The following ATP2B2 variants were observed in gnomAD, a reference collection of about 807,000 sequenced individuals.
The protein encoded by ATP2B2 is ATPase plasma membrane Ca2+ transporting 2.
In ATP2B2, 15 loss-of-function variants were observed where a neutral mutation model predicts 120.0. The ratio of observed to expected loss-of-function variants is 0.12; its 90% confidence interval spans 0.08 to 0.19. The LOEUF is 0.19. Among genes scored for constraint, ATP2B2 ranks in the 10% least tolerant of loss-of-function variants. The pLI, the probability that ATP2B2 is intolerant of heterozygous loss-of-function variation, is 1.00. For missense variants in ATP2B2, 1,045 were observed against 1,719.8 expected (o/e 0.61, Z 6.94); for synonymous variants, 694 against 700.3 (o/e 0.99, Z 0.14).
At chr3:10,420,905 T>G (rs578157943) in intron 2 of ATP2B2, among the ~76,000 whole-genome samples, 1 of 152,230 alleles carries the variant, frequency 6.6e-6, no homozygotes, top group Admixed American at 6.5e-5. Flanking sequence ...TCTAGTTGAA[T>G]TGGGCTGGGG....
At chr3:10,695,356 C>T (rs1266467960) in intron 1 of ATP2B2, among the ~76,000 whole-genome samples, 2 of 151,848 alleles carry the variant, frequency 1.3e-5, no homozygotes, top group South Asian at 2.1e-4. Flanking sequence ...ATCATGAGAA[C>T]AGCACATGAA....
intron 2 of ATP2B2, among the ~76,000 whole-genome samples, chr3:10,442,385 T>C (rs925413611): frequency 2.6e-5 from 4 of 152,232 alleles, no homozygotes; most frequent in Admixed American, 2.6e-4. Flanking sequence ...GATCTTTATC[T>C]ATCTGTCCCG....
rs950757617 is a variant in ATP2B2 at position 10,578,473 on chromosome 3, G to A, written c.-415+41444C>T. Among the ~76,000 whole-genome samples the A allele has an allele frequency of 5.3e-5, 8 of 151,946 alleles. No homozygotes were observed. The East Asian group carries it at 5.8e-4, about 11-fold the overall frequency. On this transcript the variant is annotated intron_variant, in intron 2 of 21. Transcript: ENST00000646379. ...GAGGCAGGAGAATTGCTTGAACCCA[G>A]GAGGTGGAGGTTGCAGTTAGCCGAG... is the stretch of plus-strand genomic sequence containing the variant.
chr3:10,444,642 C>T (rs1308204253), intron 2 of ATP2B2, among the ~76,000 whole-genome samples: 2 of 152,208 alleles, frequency 1.3e-5, no homozygotes, highest in African/African-American at 4.8e-5. Context: ...AAACATGCTA[C>T]GTGGCAAACA....
intron 1 of ATP2B2, among the ~76,000 whole-genome samples, chr3:10,653,620 T>A (rs1381305043): frequency 1.3e-5 from 2 of 152,206 alleles, no homozygotes; most frequent in Non-Finnish European, 1.5e-5. Context: ...TTTCTTAGCC[T>A]CAATAACAGC....
chr3:10,443,814 G>C (rs771918871), intron 2 of ATP2B2, among the ~76,000 whole-genome samples: 32 of 152,338 alleles, frequency 2.1e-4, no homozygotes, highest in Admixed American at 3.9e-4. Context: ...ACTGGGCCTA[G>C]ATTCTTCTGT....
rs1381294391 is a variant in ATP2B2, at chr3:10,449,429, C to T, written c.115G>A (p.Gly39Ser). The T allele has an allele frequency of 1.9e-6, 3 of 1,614,244 alleles. No individual in the cohort carries two copies. The Admixed American group carries it at 5.0e-5, about 27-fold the overall frequency. ...TTGATCTTGACCACAGCCTCAGTGC[C>T]CCGCAGCTCCATGAGGGAGCGGAGC... ...EELRSLMELR[G>S]TEAVVKIKET... Residue 39 changes from glycine to serine, a missense_variant, in exon 2 of 23, where the codon GGC becomes AGC. Coordinates refer to ENST00000360273, the MANE Select transcript of ATP2B2 (RefSeq NM_001001331.4).
intron 5 of ATP2B2, among the ~76,000 whole-genome samples, chr3:10,397,985 CCTG>C (rs2062096752): frequency 6.6e-6 from 1 of 152,188 alleles, no homozygotes; most frequent in Admixed American, 6.5e-5. Context: ...ACTCCTTTGC[CCTG>C]CTGACTCCCA....
chr3:10,583,070 C>T (rs1449114689), intron 2 of ATP2B2, among the ~76,000 whole-genome samples: 1 of 152,232 alleles, frequency 6.6e-6, no homozygotes, highest in Non-Finnish European at 1.5e-5. Context: ...CCTGCATTTG[C>T]TTTCTTTCAG....
At chr3:10,653,453 G>A (rs2070521452) in intron 1 of ATP2B2, among the ~76,000 whole-genome samples, 2 of 152,164 alleles carry the variant, frequency 1.3e-5, no homozygotes, top group Non-Finnish European at 2.9e-5. Flanking sequence ...CTGAGTTGAG[G>A]GACCCACTTG....
chr3:10,663,735 G>A (rs969677135), intron 1 of ATP2B2, among the ~76,000 whole-genome samples: 6 of 152,140 alleles, frequency 3.9e-5, no homozygotes, highest in African/African-American at 1.4e-4. Flanking sequence ...TCCAAGCTGA[G>A]CCCACTGAGC....
chr3:10,634,184 C>G (rs1044260841), intron 1 of ATP2B2, among the ~76,000 whole-genome samples: 5 of 152,208 alleles, frequency 3.3e-5, no homozygotes, highest in Non-Finnish European at 7.3e-5. Context: ...CCTCCCACTA[C>G]CAGGTGCTTA....
chr3:10,329,179 C>T lies in ATP2B2; in HGVS notation c.3421-54G>A, dbSNP rs1389300983. 9.9e-6 allele frequency: 6 copies of T among 605,346 alleles called. No individual in the cohort carries two copies. Among genetic ancestry groups the T allele is most frequent in the East Asian group, 4.6e-5 (1 of 21,622 alleles). 37.5% of individuals were successfully genotyped at this position (605,346 alleles called of 1,614,324 possible). A position where few individuals can be genotyped will look rare whatever the true frequency, so the allele number is the denominator to read the frequency against. ...ACTGCCCAGGGACCACAGCCAGGCT[C>T]GGGGGGCTCACAGGAGGGGCGGGTG... On this transcript the variant is annotated intron_variant, in intron 22 of 22. Coordinates refer to ENST00000360273, the MANE Select transcript of ATP2B2 (RefSeq NM_001001331.4). This position sits in a 1 kb window ranked among gnomAD's most constrained non-coding sequence, Gnocchi z 5.9.
At chr3:10,573,982 C>T (rs2068187393) in intron 2 of ATP2B2, among the ~76,000 whole-genome samples, 1 of 152,080 alleles carries the variant, frequency 6.6e-6, no homozygotes, top group African/African-American at 2.4e-5. Flanking sequence ...TGCCTGTCTC[C>T]CCCCATTATA....
At chr3:10,442,661 G>A (rs2063708391) in intron 2 of ATP2B2, among the ~76,000 whole-genome samples, 1 of 152,060 alleles carries the variant, frequency 6.6e-6, no homozygotes. Flanking sequence ...ATCAAATATG[G>A]GGCTGACATT....
chr3:10,400,938 C>G lies in ATP2B2; in HGVS notation c.781+15G>C, dbSNP rs1391933003. The G allele has an allele frequency of 1.2e-6, 2 of 1,613,904 alleles. No individual in the cohort carries two copies. The highest frequency in any genetic ancestry group is 1.7e-6 in the Non-Finnish European group (2 of 1,179,852). ...ATGGCGACGGGAATGGGCCCAACAT[C>G]AGGCTGAAGCTCACCTGACAGCAGC... is the stretch of plus-strand genomic sequence containing the variant. On this transcript the variant is annotated intron_variant, in intron 5 of 22. Transcript: ENST00000360273.
intron 1 of ATP2B2, among the ~76,000 whole-genome samples, chr3:10,623,635 TGAA>T (rs2069612455): frequency 6.6e-6 from 1 of 152,212 alleles, no homozygotes; most frequent in African/African-American, 2.4e-5. Flanking sequence ...GCCTGCATCC[TGAA>T]GGTCTCTCTA....
At chr3:10,602,959 T>G (rs891762440) in intron 2 of ATP2B2, among the ~76,000 whole-genome samples, 1 of 152,196 alleles carries the variant, frequency 6.6e-6, no homozygotes, top group Non-Finnish European at 1.5e-5. Context: ...TTTCTTAACT[T>G]CTCAGCACCC....
At chr3:10,686,335 T>C (rs2071523168) in intron 1 of ATP2B2, among the ~76,000 whole-genome samples, 1 of 152,126 alleles carries the variant, frequency 6.6e-6, no homozygotes, top group African/African-American at 2.4e-5. Flanking sequence ...AGTGTCTCAA[T>C]AGAATAGTAT....
Sources: gnomAD v4.1 joint callset for allele counts (sites outside exome capture counted in the v4.1 genomes callset) on GRCh38, gnomAD v4.1.1 for gene constraint, Gnocchi (gnomAD v3.1) non-coding constraint, MANE v1.5 for transcripts, NCBI Gene and HGNC (gene_info 2026-07-23, HGNC 2026-07-21) for gene names.